ITPRID1: variants seen among roughly 807,000 people sequenced by gnomAD.
The protein encoded by ITPRID1 is protein ITPRID1.
In ITPRID1, 96 loss-of-function variants were observed where a neutral mutation model predicts 95.4. That is an observed-to-expected ratio of 1.01 (90% confidence interval 0.85 to 1.19). The LOEUF is 1.19. ITPRID1 is among the 50% of genes most tolerant of loss of function. The pLI is 0.00. For synonymous variants in ITPRID1, 510 were observed against 453.6 expected, an observed-to-expected ratio of 1.12 and a Z score of -1.58; for missense variants, 1,339 against 1,252.9, an observed-to-expected ratio of 1.07 and a Z score of -1.04.
At chr7:31,613,929 T>C (rs1157894919) in intron 10 of ITPRID1, among the ~76,000 whole-genome samples, 1 of 152,236 alleles carries the variant, frequency 6.6e-6, no homozygotes, top group East Asian at 1.9e-4. Flanking sequence ...AAGTTCCTTA[T>C]GGAAATATTC....
intron 10 of ITPRID1, among the ~76,000 whole-genome samples, 171 bp from the exon 11 acceptor site, chr7:31,642,005 T>A (rs1441484668): frequency 2.0e-5 from 3 of 152,202 alleles, no homozygotes; most frequent in Non-Finnish European, 2.9e-5. Context: ...AACTGAACTC[T>A]CTGACAATCG....
At chr7:31,632,175 G>A (rs907181608) in intron 10 of ITPRID1, among the ~76,000 whole-genome samples, 1 of 152,200 alleles carries the variant, frequency 6.6e-6, no homozygotes, top group South Asian at 2.1e-4. Flanking sequence ...GAGGCAGGGC[G>A]TGGTGGCTCA....
intron 12 of ITPRID1, among the ~76,000 whole-genome samples, chr7:31,645,732 G>A (rs1790407629): frequency 1.3e-5 from 2 of 152,088 alleles, no homozygotes; most frequent in Non-Finnish European, 2.9e-5. Context: ...GTGATGTTTG[G>A]AGACATTTTT....
chr7:31,552,978 T>C (rs959052361), intron 2 of ITPRID1, 24 bp from the exon 3 acceptor site: 1 of 1,577,796 alleles, frequency 6.3e-7, no homozygotes, highest in Non-Finnish European at 8.6e-7. Context: ...CGTGTCTGAT[T>C]TGTTTGTGTG....
intron 10 of ITPRID1, among the ~76,000 whole-genome samples, chr7:31,636,406 G>A (rs1404178133): frequency 3.9e-5 from 6 of 152,182 alleles, no homozygotes. Flanking sequence ...TTCAAGAATA[G>A]TAACTGCTTC....
At chr7:31,516,410 AC>A (rs1279683934) in intron 1 of ITPRID1, among the ~76,000 whole-genome samples, 3 of 152,246 alleles carry the variant, frequency 2.0e-5, no homozygotes, top group African/African-American at 4.8e-5. Context: ...TATTATTTCA[AC>A]TACATGTACA....
chr7:31,615,752 CTTTTT>C (rs11324820), intron 10 of ITPRID1, among the ~76,000 whole-genome samples: 2 of 143,412 alleles, frequency 1.4e-5, no homozygotes, highest in African/African-American at 2.6e-5. Flanking sequence ...ACTGAGAATT[CTTTTT>C]TTTTTTTTTT....
chr7:31,646,022 G>A (rs1790436383), intron 12 of ITPRID1, among the ~76,000 whole-genome samples: 1 of 152,118 alleles, frequency 6.6e-6, no homozygotes, highest in Non-Finnish European at 1.5e-5. Flanking sequence ...CTAGAATTAG[G>A]TACTCCAGTT....
At chr7:31,651,358 G>A in intron 13 of ITPRID1, 89 bp downstream of exon 13, 4 of 1,428,994 alleles carry the variant, frequency 2.8e-6, no homozygotes, top group East Asian at 4.9e-5. Context: ...GGAGCACCCT[G>A]GAGCAGAGCT....
intron 12 of ITPRID1, among the ~76,000 whole-genome samples, chr7:31,648,517 C>T (rs1014792473): frequency 5.3e-5 from 8 of 152,134 alleles, no homozygotes; most frequent in Non-Finnish European, 1.2e-4. Context: ...CTTCCACATC[C>T]CTCCACCATT....
At chr7:31,615,785 G>A (rs919982706) in intron 10 of ITPRID1, among the ~76,000 whole-genome samples, 7 of 147,106 alleles carry the variant, frequency 4.8e-5, no homozygotes, top group Admixed American at 6.9e-5. Context: ...ACAGAGTCTC[G>A]CTCTGTTGCC....
At chr7:31,639,061 G>A (rs1435610065) in intron 10 of ITPRID1, among the ~76,000 whole-genome samples, 3 of 152,160 alleles carry the variant, frequency 2.0e-5, no homozygotes, top group Non-Finnish European at 4.4e-5. Context: ...ACAGGTGTGA[G>A]CCACTGCGCC....
chr7:31,559,294 T>C (rs2047350901), intron 5 of ITPRID1, among the ~76,000 whole-genome samples: 2 of 152,170 alleles, frequency 1.3e-5, no homozygotes, highest in African/African-American at 4.8e-5. Flanking sequence ...CTTCTTCTGC[T>C]CCTCTGGGAA....
intron 1 of ITPRID1, among the ~76,000 whole-genome samples, chr7:31,545,342 G>A (rs189581258): frequency 2.4e-4 from 36 of 151,956 alleles, no homozygotes; most frequent in Admixed American, 1.6e-3. Context: ...GATGAGAGGT[G>A]GATCACAGAT....
intron 1 of ITPRID1, among the ~76,000 whole-genome samples, chr7:31,515,665 A>G (rs986587459): frequency 7.2e-5 from 11 of 152,268 alleles, no homozygotes; most frequent in Admixed American, 3.9e-4. Flanking sequence ...CCCAGAGGAC[A>G]AGGATTGGCA....
chr7:31,641,196 A>T (rs979455389), intron 10 of ITPRID1, among the ~76,000 whole-genome samples: 1 of 152,212 alleles, frequency 6.6e-6, no homozygotes, highest in Non-Finnish European at 1.5e-5. Flanking sequence ...GGCTGGGATC[A>T]TTTCCCTCCC....
intron 6 of ITPRID1, among the ~76,000 whole-genome samples, chr7:31,570,316 A>G (rs930959686): frequency 1.3e-5 from 2 of 152,106 alleles, no homozygotes; most frequent in Admixed American, 6.6e-5. Context: ...CAAATTCCCA[A>G]TCCCCACCCT....
At chr7:31,617,184 A>G (rs1308102833) in intron 10 of ITPRID1, among the ~76,000 whole-genome samples, 1 of 152,164 alleles carries the variant, frequency 6.6e-6, no homozygotes, top group African/African-American at 2.4e-5. Context: ...AAGCCTGGAG[A>G]AGGGAAGATC....
chr7:31,568,033 C>G (rs1049350525), intron 5 of ITPRID1, among the ~76,000 whole-genome samples: 1 of 151,052 alleles, frequency 6.6e-6, no homozygotes, highest in East Asian at 2.0e-4. Context: ...GGCTGAGGCA[C>G]GAGAATCACT....
Sources: allele counts gnomAD v4.1 joint callset (sites outside exome capture counted in the v4.1 genomes callset), GRCh38; gene constraint gnomAD v4.1.1; transcripts MANE v1.5; gene names NCBI Gene and HGNC (gene_info 2026-07-23, HGNC 2026-07-21).